SGK3: variants seen among roughly 807,000 people sequenced by gnomAD.
SGK3 encodes serine/threonine-protein kinase Sgk3.
SGK3 carries 47 observed loss-of-function variants against 68.5 expected under a neutral mutation model. That is an observed-to-expected ratio of 0.69 (90% CI 0.54 to 0.87). The LOEUF is 0.87. Ranked by LOEUF, SGK3 falls within the 40% of genes least tolerant of loss-of-function variation. The pLI is 0.00. For missense variants in SGK3, 479 were observed against 575.5 expected (o/e 0.83, Z 1.72); for synonymous variants, 181 against 189.1 (o/e 0.96, Z 0.35).
chr8:66,729,848 G>A (rs994984755), intron 1 of SGK3, among the ~76,000 whole-genome samples: 2 of 152,050 alleles, frequency 1.3e-5, no homozygotes, highest in Non-Finnish European at 2.9e-5. Context: ...GGATTCAAGT[G>A]ATTCTTCTGC....
At chr8:66,843,068 C>T (rs1339897606) in intron 13 of SGK3, among the ~76,000 whole-genome samples, 1 of 151,878 alleles carries the variant, frequency 6.6e-6, no homozygotes, top group Non-Finnish European at 1.5e-5. Context: ...AAGATCCTGT[C>T]TCAAAAAAAC....
At chr8:66,715,353 G>A (rs566706684) in intron 1 of SGK3, among the ~76,000 whole-genome samples, 1 of 152,238 alleles carries the variant, frequency 6.6e-6, no homozygotes, top group South Asian at 2.1e-4. Flanking sequence ...CGCCTCCCGG[G>A]TTCAAGCGAT....
intron 1 of SGK3, among the ~76,000 whole-genome samples, chr8:66,776,743 A>G (rs141168479): frequency 6.6e-6 from 1 of 152,300 alleles, no homozygotes; most frequent in East Asian, 1.9e-4. Context: ...CCTGCTTGGT[A>G]GCTTAATTGC....
intron 14 of SGK3, among the ~76,000 whole-genome samples, chr8:66,844,062 T>C (rs565735288): frequency 6.6e-5 from 10 of 151,892 alleles, no homozygotes; most frequent in Non-Finnish European, 1.5e-5. Context: ...AATATAATTG[T>C]TTCTCTGCTA....
At chr8:66,782,367 A>C (rs1385945278) in intron 1 of SGK3, among the ~76,000 whole-genome samples, 1 of 151,154 alleles carries the variant, frequency 6.6e-6, no homozygotes. Flanking sequence ...CTAAATTAGG[A>C]AAGTACAGAG....
intron 15 of SGK3, among the ~76,000 whole-genome samples, chr8:66,848,967 C>G (rs868316348): frequency 2.6e-5 from 4 of 152,344 alleles, no homozygotes; most frequent in South Asian, 2.1e-4. Flanking sequence ...CTCCTGTTCC[C>G]TAGCCTTCTG....
chr8:66,827,342 A>T (rs1025863860), intron 6 of SGK3, among the ~76,000 whole-genome samples: 3 of 149,782 alleles, frequency 2.0e-5, no homozygotes, highest in Non-Finnish European at 4.4e-5. Context: ...AGATCATGCC[A>T]CTGCACTCCA....
At chr8:66,835,621 T>G (rs1809490806) in intron 8 of SGK3, 142 bp from the exon 9 acceptor site, 4 of 904,700 alleles carry the variant, frequency 4.4e-6, no homozygotes, top group Non-Finnish European at 3.2e-6. Context: ...GATTACTTGA[T>G]TTTTAAAACA....
At chr8:66,720,673 G>A (rs1035287664) in intron 1 of SGK3, among the ~76,000 whole-genome samples, 1 of 151,886 alleles carries the variant, frequency 6.6e-6, no homozygotes, top group Non-Finnish European at 1.5e-5. Context: ...GGGAGGCTGA[G>A]GCAAGAGAAT....
intron 1 of SGK3, among the ~76,000 whole-genome samples, chr8:66,785,546 C>T (rs1009327426): frequency 8.5e-5 from 13 of 152,114 alleles, no homozygotes; most frequent in East Asian, 1.9e-4. Flanking sequence ...TCATCCCTGA[C>T]GACCACCGCC....
intron 4 of SGK3, among the ~76,000 whole-genome samples, chr8:66,805,842 A>G (rs1808136002): frequency 6.6e-6 from 1 of 152,232 alleles, no homozygotes; most frequent in African/African-American, 2.4e-5. Flanking sequence ...TCTGTGTAAG[A>G]AAAGAAAGAG....
chr8:66,768,771 A>C (rs972926321), intron 1 of SGK3, among the ~76,000 whole-genome samples: 1 of 151,930 alleles, frequency 6.6e-6, no homozygotes, highest in Non-Finnish European at 1.5e-5. Flanking sequence ...CACCATATTT[A>C]CCAGGCTCGT....
At chr8:66,762,268 C>T (rs1806194842) in intron 1 of SGK3, among the ~76,000 whole-genome samples, 1 of 152,266 alleles carries the variant, frequency 6.6e-6, no homozygotes, top group South Asian at 2.1e-4. Flanking sequence ...CGCGCCCGGC[C>T]TATAACAGAC....
chr8:66,768,174 T>A (rs1386923376), intron 1 of SGK3, among the ~76,000 whole-genome samples: 1 of 152,204 alleles, frequency 6.6e-6, no homozygotes, highest in Non-Finnish European at 1.5e-5. Context: ...AATACTGTTG[T>A]CATATATTTT....
chr8:66,755,365 T>C (rs926165217), intron 1 of SGK3, among the ~76,000 whole-genome samples: 2 of 152,148 alleles, frequency 1.3e-5, no homozygotes, highest in East Asian at 1.9e-4. Context: ...ATAACCCCCT[T>C]GGGGATGTTA....
chr8:66,767,717 T>C, intron 1 of SGK3: 2 of 1,502,406 alleles, frequency 1.3e-6, no homozygotes, highest in South Asian at 2.3e-5. Flanking sequence ...GCTTTAACAG[T>C]CTTCTCAGTC....
rs1441436446 is a variant in SGK3 at position 66,744,528 on chromosome 8, T to G, written c.-122+31695T>G. ...ATATATATATATATATATTTTTTTT[T>G]TTTTTTTTTTTTTTTTTAGATGGAG... On this transcript the variant is annotated intron_variant, in intron 1 of 16. Transcript: ENST00000521198. Among the ~76,000 whole-genome samples, 16 of 114,164 alleles carry G rather than the reference T, an allele frequency of 1.4e-4. 1 individual carries two copies. Among genetic ancestry groups the G allele is most frequent in the African/African-American group, 4.0e-4 (12 of 30,078 alleles). 74.9% of individuals were successfully genotyped at this position (114,164 alleles called of 152,430 possible).
At chr8:66,793,925 C>A in intron 2 of SGK3, 93 bp downstream of exon 2, 1 of 1,298,892 alleles carries the variant, frequency 7.7e-7, no homozygotes, top group Non-Finnish European at 1.1e-6. Context: ...ACACCCCCTT[C>A]CCCATCTCCA....
At chr8:66,739,089 AAC>A (rs1467695249) in intron 1 of SGK3, among the ~76,000 whole-genome samples, 2 of 152,176 alleles carry the variant, frequency 1.3e-5, no homozygotes, top group South Asian at 2.1e-4. Flanking sequence ...GCGTTGCTGT[AAC>A]AGAATGCTTG....
Sources: gnomAD v4.1 joint callset for allele counts (sites outside exome capture counted in the v4.1 genomes callset) on GRCh38, gnomAD v4.1.1 for gene constraint, MANE v1.5 for transcripts, NCBI Gene and HGNC (gene_info 2026-07-23, HGNC 2026-07-21) for gene names.